Variants in MGAT4C observed in about 807,000 individuals in gnomAD.
MGAT4C encodes MGAT4 family member C.
A neutral mutation model predicts 40.1 loss-of-function variants in MGAT4C; 19 were observed. That is an observed-to-expected ratio of 0.47 (90% CI 0.33 to 0.70). MGAT4C has a LOEUF of 0.70. Ranked by LOEUF, MGAT4C falls within the 30% of genes least tolerant of loss-of-function variation. MGAT4C has a pLI of 0.02. For missense variants in MGAT4C, 491 were observed against 563.2 expected (o/e 0.87, Z 1.30); for synonymous variants, 181 against 187.1 (o/e 0.97, Z 0.27).
chr12:86,244,410 CCTT>C (rs923886888), intron 1 of MGAT4C, among the ~76,000 whole-genome samples: 4 of 152,172 alleles, frequency 2.6e-5, no homozygotes, highest in African/African-American at 7.2e-5. Flanking sequence ...TCACCTCAGA[CCTT>C]CTAGTTCTGG....
chr12:86,330,815 G>A (rs780127964), intron 4 of MGAT4C, among the ~76,000 whole-genome samples: 37 of 152,152 alleles, frequency 2.4e-4, no homozygotes, highest in Non-Finnish European at 4.6e-4. Context: ...ATTATGGCAA[G>A]TGTCATGAAG....
At chr12:86,255,058 T>C (rs999179244) in intron 1 of MGAT4C, among the ~76,000 whole-genome samples, 2 of 152,214 alleles carry the variant, frequency 1.3e-5, no homozygotes, top group Middle Eastern at 3.4e-3. Flanking sequence ...GGCAGAAATA[T>C]TCTATGTTAA....
chr12:86,387,820 C>T (rs747409201), intron 3 of MGAT4C, among the ~76,000 whole-genome samples: 82 of 152,192 alleles, frequency 5.4e-4, no homozygotes, highest in Non-Finnish European at 9.7e-4. Flanking sequence ...CATTATTTAT[C>T]AAATACTGTG....
At chr12:86,530,114 ATG>A (rs912033721) in intron 2 of MGAT4C, among the ~76,000 whole-genome samples, 4 of 151,912 alleles carry the variant, frequency 2.6e-5, no homozygotes, top group Non-Finnish European at 5.9e-5. Flanking sequence ...GGACGACTGA[ATG>A]TATTAACTTA....
chr12:86,778,939 G>C (rs1162686129), intron 1 of MGAT4C, among the ~76,000 whole-genome samples: 1 of 150,104 alleles, frequency 6.7e-6, no homozygotes, highest in African/African-American at 2.4e-5. Context: ...AATATAATGA[G>C]AGCCATTTTA....
At chr12:86,569,512 C>T (rs1245631345) in intron 2 of MGAT4C, among the ~76,000 whole-genome samples, 1 of 151,984 alleles carries the variant, frequency 6.6e-6, no homozygotes, top group African/African-American at 2.4e-5. Context: ...GGGGAATTGT[C>T]TTTTATCAAA....
chr12:86,512,826 T>C (rs1006823303), intron 2 of MGAT4C, among the ~76,000 whole-genome samples: 3 of 152,080 alleles, frequency 2.0e-5, no homozygotes, highest in South Asian at 2.1e-4. Flanking sequence ...GTTTCAGTTA[T>C]ACAAGATAAT....
At chr12:86,663,993 T>C (rs141785231) in intron 2 of MGAT4C, among the ~76,000 whole-genome samples, 76 of 152,344 alleles carry the variant, frequency 5.0e-4, no homozygotes, top group African/African-American at 1.7e-3. Flanking sequence ...CTGTCATTAG[T>C]CAGTTCTATT....
chr12:86,758,391 A>T (rs985312), intron 1 of MGAT4C, among the ~76,000 whole-genome samples: 687 of 57,808 alleles, frequency 0.012, 7 homozygotes, highest in African/African-American at 0.042. Context: ...TTTTTTTTTT[A>T]AAAAAAAGAA....
At chr12:86,498,008 A>C (rs984760147) in intron 2 of MGAT4C, among the ~76,000 whole-genome samples, 1 of 145,612 alleles carries the variant, frequency 6.9e-6, no homozygotes, top group Admixed American at 7.1e-5. Flanking sequence ...ATATTATATA[A>C]TCTTTTTTGG....
chr12:86,796,078 T>C (rs910465676), intron 1 of MGAT4C, among the ~76,000 whole-genome samples: 2 of 151,928 alleles, frequency 1.3e-5, no homozygotes, highest in African/African-American at 4.8e-5. Context: ...AATACAATAA[T>C]TCTGATATAG....
intron 4 of MGAT4C, among the ~76,000 whole-genome samples, chr12:86,282,049 T>C (rs1478598060): frequency 6.6e-6 from 1 of 152,156 alleles, no homozygotes; most frequent in Non-Finnish European, 1.5e-5. Flanking sequence ...GACTATGTTA[T>C]GTACATGGGG....
At chr12:86,217,970 T>C (rs1040611066) in intron 1 of MGAT4C, among the ~76,000 whole-genome samples, 1 of 152,134 alleles carries the variant, frequency 6.6e-6, no homozygotes, top group African/African-American at 2.4e-5. Flanking sequence ...AGATTATCTA[T>C]AAATTTTTTC....
At chr12:86,443,506 T>G (rs2136280586) in intron 2 of MGAT4C, among the ~76,000 whole-genome samples, 1 of 152,280 alleles carries the variant, frequency 6.6e-6, no homozygotes, top group East Asian at 1.9e-4. Flanking sequence ...AGCCTTAAAC[T>G]TCACTGAGAA....
chr12:86,594,316 G>A (rs1961446509), intron 2 of MGAT4C, among the ~76,000 whole-genome samples: 1 of 152,058 alleles, frequency 6.6e-6, no homozygotes, highest in Non-Finnish European at 1.5e-5. Flanking sequence ...TCACTAAGCT[G>A]GGAGGAGTTG....
At chr12:86,115,273 G>T (rs115623852) in intron 1 of MGAT4C, among the ~76,000 whole-genome samples, 1 of 151,944 alleles carries the variant, frequency 6.6e-6, no homozygotes, top group African/African-American at 2.4e-5. Flanking sequence ...GGATAAAAAA[G>T]GTTCACTGAG....
rs9669304 is a variant in MGAT4C at position 86,073,770 on chromosome 12, G to T, written c.-56-24047C>A. Among the ~76,000 whole-genome samples the T allele has an allele frequency of 3.5e-3, 534 of 152,246 alleles. 4 individuals carry two copies. Among genetic ancestry groups the T allele is most frequent in the African/African-American group, 0.012 (504 of 41,546 alleles). ...ATTGTACCTAGGAAGTAACTAGCTTGCTTTTGATATTACAGGCTCATAGGT... is the reference window on the plus strand; with the variant it reads ...ATTGTACCTAGGAAGTAACTAGCTTTCTTTTGATATTACAGGCTCATAGGT... On this transcript the variant is annotated intron_variant, in intron 1 of 4. Transcript: ENST00000611864.
chr12:86,159,285 G>A (rs1885325033), intron 1 of MGAT4C, among the ~76,000 whole-genome samples: 1 of 151,812 alleles, frequency 6.6e-6, no homozygotes, highest in African/African-American at 2.4e-5. Context: ...GTATTGAGAC[G>A]ATTATATTGT....
intron 3 of MGAT4C, among the ~76,000 whole-genome samples, chr12:86,354,841 T>C (rs1241817024): frequency 6.6e-6 from 1 of 152,110 alleles, no homozygotes; most frequent in Non-Finnish European, 1.5e-5. Context: ...ACCTTCACGG[T>C]GAGTGTTACA....
Sources: gnomAD v4.1 joint callset for allele counts (sites outside exome capture counted in the v4.1 genomes callset) on GRCh38, gnomAD v4.1.1 for gene constraint, MANE v1.5 for transcripts, NCBI Gene and HGNC (gene_info 2026-07-23, HGNC 2026-07-21) for gene names.